CDC37L1: variants seen among roughly 807,000 people sequenced by gnomAD.
The protein encoded by CDC37L1 is cell division cycle 37 like 1, HSP90 cochaperone.
In CDC37L1, 32 loss-of-function variants were observed where a neutral mutation model predicts 45.9. The ratio of observed to expected loss-of-function variants is 0.70; its 90% CI spans 0.53 to 0.94. The LOEUF is 0.94. Ranked by LOEUF, CDC37L1 falls within the 40% of genes least tolerant of loss-of-function variation. The pLI, the probability that CDC37L1 is intolerant of heterozygous loss-of-function variation, is 0.00. For missense variants in CDC37L1, 434 were observed against 405.7 expected, an observed-to-expected ratio of 1.07 and a Z score of -0.60; for synonymous variants, 150 against 133.0, an observed-to-expected ratio of 1.13 and a Z score of -0.88.
intron 1 of CDC37L1, among the ~76,000 whole-genome samples, chr9:4,681,094 A>T (rs994040983): frequency 1.3e-5 from 2 of 152,148 alleles, no homozygotes; most frequent in Non-Finnish European, 2.9e-5. Context: ...TTATATACAA[A>T]ATGTATTATA....
intron 2 of CDC37L1, among the ~76,000 whole-genome samples, chr9:4,686,119 C>T (rs535656593): frequency 2.0e-5 from 3 of 152,250 alleles, no homozygotes; most frequent in Admixed American, 6.5e-5. Flanking sequence ...TGCAGTGAAC[C>T]GAGATCGTGC....
intron 5 of CDC37L1, among the ~76,000 whole-genome samples, chr9:4,699,733 G>A (rs1254403761): frequency 6.6e-6 from 1 of 152,068 alleles, no homozygotes; most frequent in South Asian, 2.1e-4. Context: ...TTGGGAACTG[G>A]TTTCTAGGAT....
At chr9:4,696,905 T>G (rs1841353023) in intron 3 of CDC37L1, among the ~76,000 whole-genome samples, 191 bp from the exon 4 acceptor site, 1 of 152,218 alleles carries the variant, frequency 6.6e-6, no homozygotes, top group Non-Finnish European at 1.5e-5. Flanking sequence ...TACTGAGTAT[T>G]GCTTTAAAGA....
chr9:4,683,562 C>G (rs1841218042), intron 1 of CDC37L1, among the ~76,000 whole-genome samples: 1 of 151,972 alleles, frequency 6.6e-6, no homozygotes, highest in African/African-American at 2.4e-5. Context: ...GCAATGGGAA[C>G]TGAGTCTAAA....
At chr9:4,701,106 C>G (rs900516710) in intron 5 of CDC37L1, among the ~76,000 whole-genome samples, 1 of 152,210 alleles carries the variant, frequency 6.6e-6, no homozygotes, top group East Asian at 1.9e-4. Context: ...TAACCTGTTA[C>G]GCAACCTAAA....
At chr9:4,698,421 G>A (rs1211233079) in intron 5 of CDC37L1, among the ~76,000 whole-genome samples, 1 of 149,386 alleles carries the variant, frequency 6.7e-6, no homozygotes, top group Non-Finnish European at 1.5e-5. Context: ...CTTACGCTAT[G>A]AATTCACAGG....
chr9:4,686,136 A>G (rs914140769), intron 2 of CDC37L1, among the ~76,000 whole-genome samples: 1 of 152,038 alleles, frequency 6.6e-6, no homozygotes, highest in Non-Finnish European at 1.5e-5. Context: ...GTGCCACTAC[A>G]CTCCAGCCTG....
chr9:4,686,237 T>G (rs987975062), intron 2 of CDC37L1, among the ~76,000 whole-genome samples: 1 of 152,208 alleles, frequency 6.6e-6, no homozygotes. Context: ...TGCCTTTCCC[T>G]GGACCAGCTC....
chr9:4,684,796 CT>C, intron 1 of CDC37L1, 80 bp from the exon 2 acceptor site: 1 of 1,019,372 alleles, frequency 9.8e-7, no homozygotes. Context: ...TACAGAAATC[CT>C]TTGAATTAAG....
chr9:4,705,980 T>TC (rs771061295), intron 6 of CDC37L1, 31 bp from the exon 7 acceptor site: 35 of 1,065,484 alleles, frequency 3.3e-5, no homozygotes, highest in Non-Finnish European at 4.8e-5. Flanking sequence ...GTTCTTTTTC[T>TC]CCCCCCAATC....
intron 1 of CDC37L1, among the ~76,000 whole-genome samples, chr9:4,683,013 ATT>A (rs1266021900): frequency 3.5e-5 from 5 of 142,942 alleles, no homozygotes; most frequent in African/African-American, 5.2e-5. Flanking sequence ...TAATATATAT[ATT>A]AAATATATAT....
At chr9:4,694,675 A>C (rs1466722926) in intron 3 of CDC37L1, among the ~76,000 whole-genome samples, 1 of 152,116 alleles carries the variant, frequency 6.6e-6, no homozygotes, top group East Asian at 1.9e-4. Context: ...GTTCGAGACC[A>C]GCCTGATCAA....
At chr9:4,680,999 T>C (rs1841187387) in intron 1 of CDC37L1, among the ~76,000 whole-genome samples, 1 of 152,226 alleles carries the variant, frequency 6.6e-6, no homozygotes. Flanking sequence ...ACTGGGGAAC[T>C]ACAAGACATT....
At chr9:4,689,779 G>A (rs976289467) in intron 3 of CDC37L1, among the ~76,000 whole-genome samples, 1 of 152,188 alleles carries the variant, frequency 6.6e-6, no homozygotes, top group Non-Finnish European at 1.5e-5. Context: ...AATCTTAGTT[G>A]TGATATGTGA....
At chr9:4,691,183 T>C (rs1418250635) in intron 3 of CDC37L1, among the ~76,000 whole-genome samples, 1 of 152,238 alleles carries the variant, frequency 6.6e-6, no homozygotes, top group Non-Finnish European at 1.5e-5. Flanking sequence ...GTTTAACTTT[T>C]GTTTTAAATT....
chr9:4,706,932 A>G lies in CDC37L1; in HGVS notation c.*820A>G, dbSNP rs981617668. On this transcript the variant is annotated 3_prime_UTR_variant, in exon 7 of 7. Coordinates refer to ENST00000381854, the MANE Select transcript of CDC37L1 (RefSeq NM_017913.4). ...ATACTAATGGCTTGTAAGAACAAAC[A>G]GGAATAATAATCTGATTTTTAAATT... The G allele has an allele frequency of 3.9e-5, 6 of 152,364 alleles. No individual in the cohort carries two copies. The highest frequency in any genetic ancestry group is 2.6e-4 in the Admixed American group (4 of 15,310). The allele number at this position is 152,364 out of a possible 1,614,324, so 9.4% of individuals were successfully genotyped here. A position where few individuals can be genotyped will look rare whatever the true frequency, so the allele number is the denominator to read the frequency against.
At chr9:4,689,962 A>G (rs1313824948) in intron 3 of CDC37L1, among the ~76,000 whole-genome samples, 1 of 152,228 alleles carries the variant, frequency 6.6e-6, no homozygotes, top group Non-Finnish European at 1.5e-5. Context: ...CTTTGAAGCC[A>G]TGAGAAACCT....
At chr9:4,701,317 C>T (rs1841393834) in intron 5 of CDC37L1, among the ~76,000 whole-genome samples, 1 of 152,162 alleles carries the variant, frequency 6.6e-6, no homozygotes, top group Non-Finnish European at 1.5e-5. Flanking sequence ...AAGGTACTTG[C>T]TTAACTAGAG....
At chr9:4,701,830 A>G (rs1322915582) in intron 5 of CDC37L1, 34 bp from the exon 6 acceptor site, 5 of 1,497,404 alleles carry the variant, frequency 3.3e-6, no homozygotes, top group East Asian at 2.3e-5. Context: ...ATCTTGAAGA[A>G]CACAGTCTTT....
Sources: allele counts gnomAD v4.1 joint callset (sites outside exome capture counted in the v4.1 genomes callset), GRCh38; gene constraint gnomAD v4.1.1; transcripts MANE v1.5; gene names NCBI Gene and HGNC (gene_info 2026-07-23, HGNC 2026-07-21).